The following GALNT13 variants were observed in gnomAD, a reference collection of about 807,000 sequenced individuals.
The protein encoded by GALNT13 is polypeptide N-acetylgalactosaminyltransferase 13.
A neutral mutation model predicts 64.2 loss-of-function variants in GALNT13; 28 were observed. The ratio of observed to expected loss-of-function variants is 0.44; its 90% CI spans 0.32 to 0.60. The LOEUF is 0.60. GALNT13 is among the 20% of genes least tolerant of loss of function. The pLI is 0.05. For synonymous variants in GALNT13, 214 were observed against 224.6 expected, an observed-to-expected ratio of 0.95 and a Z score of 0.42; for missense variants, 577 against 669.8, an observed-to-expected ratio of 0.86 and a Z score of 1.53.
the GALNT13 span, among the ~76,000 whole-genome samples, chr2:153,780,234 T>C: frequency 4.7e-4 from 5 of 10,568 alleles, no homozygotes; most frequent in Non-Finnish European, 8.0e-4. Flanking sequence ...TATATATATA[T>C]ATATATATAT....
chr2:153,398,716 G>A, the GALNT13 span, among the ~76,000 whole-genome samples: 1 of 151,036 alleles, frequency 6.6e-6, no homozygotes, highest in African/African-American at 2.4e-5. Context: ...CTGCATAAAT[G>A]TCTTCTTTTG....
the GALNT13 span, among the ~76,000 whole-genome samples, chr2:153,185,943 G>A: frequency 1.3e-5 from 2 of 151,916 alleles, no homozygotes; most frequent in African/African-American, 2.4e-5. Flanking sequence ...TGTTGTTTTG[G>A]GTTGGAGAGT....
the GALNT13 span, chr2:153,187,406 G>A: frequency 6.6e-6 from 1 of 152,184 alleles, no homozygotes; most frequent in African/African-American, 2.4e-5. Context: ...TGCTGACTTG[G>A]GGGAAGGGGA....
the GALNT13 span, among the ~76,000 whole-genome samples, chr2:153,834,937 C>T: frequency 6.6e-6 from 1 of 151,978 alleles, no homozygotes; most frequent in Admixed American, 6.6e-5. Flanking sequence ...TTTGAACAAC[C>T]ATGAAGTATG....
At chr2:153,408,646 TTTTTTG>T in the GALNT13 span, among the ~76,000 whole-genome samples, 20 of 151,728 alleles carry the variant, frequency 1.3e-4, no homozygotes, top group African/African-American at 4.3e-4. Flanking sequence ...GTTGTTGTTG[TTTTTTG>T]TTTTTGTTTT....
chr2:153,205,266 C>T, the GALNT13 span, among the ~76,000 whole-genome samples: 1 of 149,168 alleles, frequency 6.7e-6, no homozygotes, highest in Admixed American at 6.7e-5. Context: ...GATATCTTGG[C>T]AGTCTGCTTT....
At chr2:153,739,252 A>G in the GALNT13 span, among the ~76,000 whole-genome samples, 1 of 151,880 alleles carries the variant, frequency 6.6e-6, no homozygotes, top group African/African-American at 2.4e-5. Flanking sequence ...ACAGATTACT[A>G]TTACCATCAC....
chr2:154,295,214 C>G (rs1692847750), intron 8 of GALNT13, among the ~76,000 whole-genome samples: 1 of 152,078 alleles, frequency 6.6e-6, no homozygotes, highest in Non-Finnish European at 1.5e-5. Context: ...TAGTGGAGTA[C>G]AGATTTAAAA....
the GALNT13 span, among the ~76,000 whole-genome samples, chr2:153,086,297 T>C: frequency 1.3e-5 from 2 of 152,138 alleles, no homozygotes; most frequent in African/African-American, 2.4e-5. Flanking sequence ...TGGGAAGGCA[T>C]GATTGGTTTT....
chr2:153,074,211 TA>T, the GALNT13 span, among the ~76,000 whole-genome samples: 413 of 152,336 alleles, frequency 2.7e-3, 1 homozygote, highest in African/African-American at 9.6e-3. Context: ...GATACTTCTG[TA>T]AAGAGAAATA....
chr2:153,247,342 C>T, the GALNT13 span, among the ~76,000 whole-genome samples: 4 of 152,176 alleles, frequency 2.6e-5, no homozygotes, highest in African/African-American at 9.7e-5. Context: ...ACATTCTTCT[C>T]AGTGCCATAT....
At chr2:154,014,635 CTTTT>C in intron 3 of GALNT13, among the ~76,000 whole-genome samples, 1 of 77,222 alleles carries the variant, frequency 1.3e-5, no homozygotes, top group South Asian at 5.3e-4. Context: ...GATAATTCTC[CTTTT>C]TTTTTTTTTT....
chr2:153,439,869 C>G, the GALNT13 span, among the ~76,000 whole-genome samples: 1 of 152,186 alleles, frequency 6.6e-6, no homozygotes, highest in South Asian at 2.1e-4. Context: ...GAACCCGGTA[C>G]CTCAGTTGGA....
At chr2:153,219,104 C>A in the GALNT13 span, among the ~76,000 whole-genome samples, 2 of 152,062 alleles carry the variant, frequency 1.3e-5, no homozygotes, top group Non-Finnish European at 2.9e-5. Flanking sequence ...GGATGGCCAC[C>A]CAGTAAGATA....
chr2:154,137,328 T>C (rs1683014362), intron 3 of GALNT13, among the ~76,000 whole-genome samples: 1 of 135,394 alleles, frequency 7.4e-6, no homozygotes, highest in African/African-American at 2.8e-5. Flanking sequence ...CACACACACA[T>C]TTTAAAAATG....
chr2:154,040,643 G>A lies in GALNT13; in HGVS notation c.142+96004G>A, dbSNP rs1012391297. Among the ~76,000 whole-genome samples the A allele has an allele frequency of 2.9e-5, 4 of 140,008 alleles. 1 individual carries two copies. Among genetic ancestry groups the A allele is most frequent in the Non-Finnish European group, 4.9e-5 (3 of 60,954 alleles). The allele number at this position is 140,008 out of a possible 152,430, so 91.9% of individuals were successfully genotyped here. ...GTGTTGTCCTTACACATAGGGATTAGACAATATCCACTATTATTTTAAAGT... is the reference window on the plus strand; with the variant it reads ...GTGTTGTCCTTACACATAGGGATTAAACAATATCCACTATTATTTTAAAGT... On this transcript the variant is annotated intron_variant, in intron 3 of 12. Transcript: ENST00000392825.
At chr2:153,229,628 C>T in the GALNT13 span, among the ~76,000 whole-genome samples, 4 of 152,174 alleles carry the variant, frequency 2.6e-5, no homozygotes, top group Non-Finnish European at 5.9e-5. Context: ...AATAGAATTT[C>T]TAGACTGCTA....
At chr2:153,488,038 TG>T in the GALNT13 span, among the ~76,000 whole-genome samples, 2 of 152,226 alleles carry the variant, frequency 1.3e-5, no homozygotes, top group African/African-American at 4.8e-5. Flanking sequence ...ATACATTACA[TG>T]TTAAATAAAT....
At chr2:153,247,332 ACATTCTTCTCAGTGCCATATGG>A in the GALNT13 span, among the ~76,000 whole-genome samples, 18 of 152,354 alleles carry the variant, frequency 1.2e-4, no homozygotes, top group Non-Finnish European at 2.4e-4. Flanking sequence ...AACAGAATAT[ACATTCTTCTCAGTGCCATATGG>A]CAGGTATTCT....
Sources: allele counts gnomAD v4.1 joint callset (sites outside exome capture counted in the v4.1 genomes callset), GRCh38; gene constraint gnomAD v4.1.1; transcripts MANE v1.5; gene names NCBI Gene and HGNC (gene_info 2026-07-23, HGNC 2026-07-21).